The following PDS5A variants were observed in gnomAD, a reference collection of about 807,000 sequenced individuals.
The protein encoded by PDS5A is PDS5 cohesin associated factor A, also known as sister chromatid cohesion protein PDS5 homolog A.
In PDS5A, 42 loss-of-function variants were observed where a neutral mutation model predicts 167.1. The observed-to-expected ratio is 0.25, with a 90% CI of 0.20 to 0.33. The LOEUF (loss-of-function observed/expected upper bound fraction) is 0.33, where lower values mean the gene tolerates loss of function less well. Ranked by LOEUF, PDS5A falls within the 10% of genes least tolerant of loss-of-function variation. The pLI is 1.00. For missense variants in PDS5A, 1,033 were observed against 1,605.9 expected (o/e 0.64, Z 6.10); for synonymous variants, 553 against 554.6 (o/e 1.00, Z 0.04).
chr4:39,946,699 G>C (rs893272474), intron 2 of PDS5A, among the ~76,000 whole-genome samples: 2 of 152,158 alleles, frequency 1.3e-5, no homozygotes, highest in African/African-American at 4.8e-5. Flanking sequence ...CGGATCACTT[G>C]AGGTCAGGAG....
At chr4:39,951,819 G>A (rs185940183) in intron 2 of PDS5A, among the ~76,000 whole-genome samples, 4 of 146,148 alleles carry the variant, frequency 2.7e-5, no homozygotes, top group African/African-American at 1.0e-4. Flanking sequence ...AGAATCGCCT[G>A]AACCCGGAAG....
intron 22 of PDS5A, among the ~76,000 whole-genome samples, 171 bp downstream of exon 22, chr4:39,869,223 C>A (rs755526349): frequency 6.6e-6 from 1 of 152,188 alleles, no homozygotes; most frequent in African/African-American, 2.4e-5. Context: ...ATAATCCCAG[C>A]ACTTTGGGAG....
chr4:39,869,585 A>C, intron 21 of PDS5A, 123 bp from the exon 22 acceptor site: 1 of 675,196 alleles, frequency 1.5e-6, no homozygotes, highest in Non-Finnish European at 2.6e-6. Context: ...CACCAACCAG[A>C]GCTTGGAAAA....
intron 9 of PDS5A, 150 bp downstream of exon 9, chr4:39,913,461 A>C: frequency 1.8e-6 from 1 of 560,086 alleles, no homozygotes; most frequent in East Asian, 2.8e-5. Flanking sequence ...TTTTTCATAC[A>C]ATTTATTCCA....
intron 17 of PDS5A, among the ~76,000 whole-genome samples, chr4:39,885,019 T>C (rs929091927): frequency 3.9e-5 from 6 of 151,916 alleles, no homozygotes; most frequent in African/African-American, 1.2e-4. Flanking sequence ...TCCCAGAAAT[T>C]TGGGAGGCCG....
intron 2 of PDS5A, among the ~76,000 whole-genome samples, chr4:39,931,213 CT>C (rs959282355): frequency 4.6e-5 from 7 of 151,972 alleles, no homozygotes; most frequent in Non-Finnish European, 7.4e-5. Flanking sequence ...CCTCAGCCCC[CT>C]GAGCAGCTGA....
At chr4:39,976,243 C>G (rs1419910885) in intron 2 of PDS5A, 197 bp downstream of exon 2, 1 of 399,800 alleles carries the variant, frequency 2.5e-6, no homozygotes, top group Non-Finnish European at 4.4e-6. Flanking sequence ...AAAAATCACA[C>G]TCCTTTTAAA....
intron 19 of PDS5A, among the ~76,000 whole-genome samples, chr4:39,875,188 A>G (rs528386764): frequency 5.8e-4 from 89 of 152,334 alleles, no homozygotes; most frequent in African/African-American, 2.1e-3. Flanking sequence ...GAAAAACATA[A>G]AGCATTCTTC....
At chr4:39,976,654 G>A (rs767246873) in intron 1 of PDS5A, 37 bp from the exon 2 acceptor site, 7 of 1,129,554 alleles carry the variant, frequency 6.2e-6, no homozygotes, top group Non-Finnish European at 7.7e-6. Flanking sequence ...CGGGAAAGGG[G>A]CGACTTTGTA....
At chr4:39,827,212 C>G (rs1260395153) in intron 32 of PDS5A, among the ~76,000 whole-genome samples, 1 of 152,046 alleles carries the variant, frequency 6.6e-6, no homozygotes, top group Non-Finnish European at 1.5e-5. Flanking sequence ...GTTGGCCAGG[C>G]TGGTCTTGAA....
intron 27 of PDS5A, 105 bp from the exon 28 acceptor site, chr4:39,849,075 T>C: frequency 2.6e-6 from 2 of 770,574 alleles, no homozygotes; most frequent in Non-Finnish European, 4.1e-6. Context: ...GATACTGTGG[T>C]TGTTATTTAT....
chr4:39,871,715 A>AT (rs1171633954), intron 21 of PDS5A, among the ~76,000 whole-genome samples: 1 of 151,986 alleles, frequency 6.6e-6, no homozygotes, highest in African/African-American at 2.4e-5. Context: ...TTATTTATTT[A>AT]TTTTTTTGAG....
intron 32 of PDS5A, among the ~76,000 whole-genome samples, chr4:39,836,810 C>CTTT (rs35685046): frequency 3.1e-5 from 4 of 128,838 alleles, no homozygotes; most frequent in African/African-American, 5.8e-5. Context: ...GCTTCAGTAA[C>CTTT]TTTTTTTTTT....
chr4:39,872,095 GCA>G (rs960970422), intron 21 of PDS5A, among the ~76,000 whole-genome samples: 5 of 151,106 alleles, frequency 3.3e-5, no homozygotes, highest in African/African-American at 1.2e-4. Context: ...ATAAATCAGA[GCA>G]CACAGACATC....
Position 39,913,661 on chromosome 4 carries a change from A to T in PDS5A, c.942T>A (p.Asp314Glu). 1 of 1,612,170 alleles carries T rather than the reference A, an allele frequency of 6.2e-7. No homozygotes were observed. The highest frequency in any genetic ancestry group is 8.5e-7 in the Non-Finnish European group (1 of 1,178,262). Residue 314 changes from aspartate to glutamate, a missense_variant, in exon 9 of 33, where the codon GAT (aspartate) becomes GAA (glutamate). Asp to Glu is a conservative substitution (Grantham distance 45). Transcript: ENST00000303538. ...RLLAKLFGSK[D>E]SDLATQNRPL... is the part of the protein sequence containing the mutation. ...GACGATTCTGTGTTGCCAAATCAGA[A>T]TCTTTGGAGCCAAACAATTTAGCTA...
rs115600670 is a variant in PDS5A, at chr4:39,972,209, C to T, written c.138+4231G>A. Among the ~76,000 whole-genome samples the T allele has an allele frequency of 4.4e-3, 671 of 152,276 alleles. 6 individuals carry two copies. The highest frequency in any genetic ancestry group is 0.016 in the African/African-American group (649 of 41,560). On this transcript the variant is annotated intron_variant, in intron 2 of 32. Transcript: ENST00000303538. ...ATAAGTAGTCATAACTTTCCCAACA[C>T]ACCTTAAAAAAATAATATTGAGACA...
At chr4:39,870,912 A>T (rs1354977388) in intron 21 of PDS5A, among the ~76,000 whole-genome samples, 1 of 152,224 alleles carries the variant, frequency 6.6e-6, no homozygotes. Flanking sequence ...AAGCAACCCA[A>T]GTGTCCACCA....
At chr4:39,913,265 AG>A (rs1468945719) in intron 9 of PDS5A, among the ~76,000 whole-genome samples, 1 of 151,878 alleles carries the variant, frequency 6.6e-6, no homozygotes, top group Non-Finnish European at 1.5e-5. Context: ...TTGTATTTTT[AG>A]TAGAGACACC....
chr4:39,961,053 T>TC (rs34575974), intron 2 of PDS5A, among the ~76,000 whole-genome samples: 60,624 of 151,668 alleles, frequency 0.4, 12,318 homozygotes, highest in East Asian at 0.62. Context: ...CAAGCAATCC[T>TC]CCACCTCGCT....
Sources: gnomAD v4.1 joint callset for allele counts (sites outside exome capture counted in the v4.1 genomes callset) on GRCh38, gnomAD v4.1.1 for gene constraint, MANE v1.5 for transcripts, NCBI Gene and HGNC (gene_info 2026-07-23, HGNC 2026-07-21) for gene names.